Variants in AGBL4 observed in about 807,000 individuals in gnomAD.
AGBL4 encodes the protein cytosolic carboxypeptidase 6.
In AGBL4, 58 loss-of-function variants were observed where a neutral mutation model predicts 66.4. That is an observed-to-expected ratio of 0.87 (90% CI 0.71 to 1.09). The LOEUF is 1.09. Ranked by LOEUF, AGBL4 falls within the 50% of genes least tolerant of loss-of-function variation. The pLI is 0.00. For synonymous variants in AGBL4, 234 were observed against 222.9 expected (o/e 1.05, Z -0.44); for missense variants, 579 against 631.0 (o/e 0.92, Z 0.88).
intron 5 of AGBL4, among the ~76,000 whole-genome samples, chr1:49,027,898 C>T (rs1192557480): frequency 6.6e-6 from 1 of 152,162 alleles, no homozygotes; most frequent in Non-Finnish European, 1.5e-5. Flanking sequence ...TGTCCCTACC[C>T]AGAGCCTAGC....
At chr1:49,839,705 G>A (rs1293185540) in intron 2 of AGBL4, among the ~76,000 whole-genome samples, 1 of 152,186 alleles carries the variant, frequency 6.6e-6, no homozygotes, top group Non-Finnish European at 1.5e-5. Context: ...GACCCATGTT[G>A]AGGACCTTAT....
intron 2 of AGBL4, among the ~76,000 whole-genome samples, chr1:49,832,252 T>A (rs971783044): frequency 6.6e-6 from 1 of 150,862 alleles, no homozygotes; most frequent in African/African-American, 2.4e-5. Flanking sequence ...TGGTGTTTGG[T>A]TTTTTGTTCT....
intron 1 of AGBL4, among the ~76,000 whole-genome samples, chr1:49,897,311 G>C (rs1018899315): frequency 6.6e-6 from 1 of 151,904 alleles, no homozygotes; most frequent in Non-Finnish European, 1.5e-5. Context: ...TATGCCAACT[G>C]TGAACAATGT....
intron 9 of AGBL4, among the ~76,000 whole-genome samples, chr1:48,632,603 T>G (rs1012567201): frequency 1.3e-5 from 2 of 152,234 alleles, no homozygotes; most frequent in Non-Finnish European, 2.9e-5. Flanking sequence ...TTGTTTGGTT[T>G]GTTTTTTACT....
chr1:49,002,753 T>C (rs1557546450), intron 5 of AGBL4, among the ~76,000 whole-genome samples: 1 of 152,244 alleles, frequency 6.6e-6, no homozygotes, highest in Non-Finnish European at 1.5e-5. Flanking sequence ...TTAAAATGCT[T>C]ATTTGAAACT....
chr1:49,786,010 T>C (rs1418424163), intron 2 of AGBL4, among the ~76,000 whole-genome samples: 1 of 151,688 alleles, frequency 6.6e-6, no homozygotes, highest in Admixed American at 6.6e-5. Flanking sequence ...TTGTCAAATA[T>C]GAAAGCAGAA....
In AGBL4 at chr1:49,663,188, A is replaced by G. The variant is rs78554796; in HGVS notation, c.282+34125T>C. Among the ~76,000 whole-genome samples, 391 of 152,280 alleles carry G rather than the reference A, an allele frequency of 2.6e-3. 5 individuals carry two copies. The highest frequency in any genetic ancestry group is 8.8e-3 in the African/African-American group (367 of 41,572). ...AAATGTTTAGCACCATCAATGGAATATAAGAAGACATAGAAGGGCAGAGAC... is the reference window on the plus strand; with the variant it reads ...AAATGTTTAGCACCATCAATGGAATGTAAGAAGACATAGAAGGGCAGAGAC... On this transcript the variant is annotated intron_variant, in intron 3 of 13. Transcript: ENST00000371839.
intron 3 of AGBL4, among the ~76,000 whole-genome samples, chr1:49,559,746 G>A (rs1032629282): frequency 6.6e-6 from 1 of 152,078 alleles, no homozygotes; most frequent in Non-Finnish European, 1.5e-5. Context: ...AGCCTTCAGC[G>A]ACACATTGAA....
intron 6 of AGBL4, among the ~76,000 whole-genome samples, chr1:48,807,743 C>G (rs541058668): frequency 7.2e-4 from 110 of 152,256 alleles, no homozygotes; most frequent in Non-Finnish European, 1.4e-3. Flanking sequence ...ATCTGCATAT[C>G]AGAAGGGCAG....
intron 2 of AGBL4, among the ~76,000 whole-genome samples, chr1:49,734,905 A>G (rs926631134): frequency 6.6e-6 from 1 of 152,158 alleles, no homozygotes; most frequent in Non-Finnish European, 1.5e-5. Context: ...TTCAGTGATG[A>G]TACAAGGATA....
chr1:49,284,618 C>T (rs887540611), intron 3 of AGBL4, among the ~76,000 whole-genome samples: 3 of 152,208 alleles, frequency 2.0e-5, no homozygotes, highest in African/African-American at 7.2e-5. Flanking sequence ...GTGCTGTATT[C>T]TGGAAACCCA....
intron 3 of AGBL4, among the ~76,000 whole-genome samples, chr1:49,446,888 A>G (rs1646169462): frequency 6.6e-6 from 1 of 152,234 alleles, no homozygotes; most frequent in Non-Finnish European, 1.5e-5. Context: ...AGCCTCAGGC[A>G]TGCTGCTCTC....
At chr1:49,421,550 A>C (rs1645546903) in intron 3 of AGBL4, among the ~76,000 whole-genome samples, 1 of 152,208 alleles carries the variant, frequency 6.6e-6, no homozygotes, top group South Asian at 2.1e-4. Context: ...ACAAGAGAAA[A>C]AACGAAGAAA....
chr1:49,546,405 A>G lies in AGBL4; in HGVS notation c.282+150908T>C, dbSNP rs565130422. Among the ~76,000 whole-genome samples, 14 of 151,576 alleles carry G rather than the reference A, an allele frequency of 9.2e-5. No homozygotes were observed. The East Asian group carries it at 2.3e-3, about 25-fold the overall frequency. On this transcript the variant is annotated intron_variant, in intron 3 of 13. Transcript: ENST00000371839. ...ATATATACCACAGTGTCTTTATTCA[A>G]TTGTCGATTGGTGGGCATTTGGGTT...
intron 4 of AGBL4, among the ~76,000 whole-genome samples, chr1:49,166,166 T>C (rs865812657): frequency 2.0e-5 from 3 of 152,158 alleles, no homozygotes; most frequent in African/African-American, 7.2e-5. Flanking sequence ...GGACCCAGCT[T>C]CATATAAATT....
intron 6 of AGBL4, among the ~76,000 whole-genome samples, chr1:48,778,272 G>A (rs1312289840): frequency 6.6e-6 from 1 of 152,122 alleles, no homozygotes; most frequent in East Asian, 1.9e-4. Context: ...GCCAGGTGCT[G>A]GTGATAGAAA....
At chr1:49,917,455 T>C (rs566121045) in intron 1 of AGBL4, among the ~76,000 whole-genome samples, 6 of 151,854 alleles carry the variant, frequency 4.0e-5, no homozygotes, top group African/African-American at 1.5e-4. Flanking sequence ...TAAAACAGAC[T>C]TTAAACCAAC....
At chr1:49,172,072 C>A (rs1646749012) in intron 4 of AGBL4, among the ~76,000 whole-genome samples, 1 of 152,192 alleles carries the variant, frequency 6.6e-6, no homozygotes, top group African/African-American at 2.4e-5. Flanking sequence ...AAATATATTT[C>A]TTCCCTATGT....
chr1:49,778,321 C>T (rs769666499), intron 2 of AGBL4, among the ~76,000 whole-genome samples: 5 of 152,162 alleles, frequency 3.3e-5, no homozygotes, highest in African/African-American at 9.7e-5. Context: ...TCTCCTCACC[C>T]GCAGCCCTGA....
Sources: allele counts gnomAD v4.1 joint callset (sites outside exome capture counted in the v4.1 genomes callset), GRCh38; gene constraint gnomAD v4.1.1; transcripts MANE v1.5; gene names NCBI Gene and HGNC (gene_info 2026-07-23, HGNC 2026-07-21).